ADGRV1: variants seen among roughly 807,000 people sequenced by gnomAD.
The protein encoded by ADGRV1 is adhesion G protein-coupled receptor V1.
ADGRV1 carries 359 observed loss-of-function variants against 596.2 expected under a neutral mutation model. That is an observed-to-expected ratio of 0.60 (90% CI 0.55 to 0.66). The LOEUF (loss-of-function observed/expected upper bound fraction) is 0.66, where lower values mean the gene tolerates loss of function less well. ADGRV1 is among the 30% of genes least tolerant of loss of function. The probability of loss-of-function intolerance (pLI) is 0.00; values close to 1 mark genes in which losing one functional copy is unlikely to be tolerated. For synonymous variants in ADGRV1, 2,681 were observed against 2,679.2 expected, an observed-to-expected ratio of 1.00 and a Z score of -0.02; for missense variants, 7,274 against 7,575.6, an observed-to-expected ratio of 0.96 and a Z score of 1.48.
rs1035203639 is a variant in ADGRV1 at position 90,841,220 on chromosome 5, A to G, written c.17019+235A>G. On this transcript the variant is annotated intron_variant, in intron 78 of 89. Coordinates refer to ENST00000405460, the MANE Select transcript of ADGRV1 (RefSeq NM_032119.4). ...GGCTTGGAGAATGACCTAGTGCAGT[A>G]GTAAAGACAGCCTAGTGCATGAAAA... is the stretch of plus-strand genomic sequence containing the variant. 2.6e-5 allele frequency among the ~76,000 whole-genome samples: 4 copies of G among 152,150 alleles called. No individual in the cohort carries two copies. The East Asian group carries it at 7.7e-4, about 29-fold the overall frequency.
chr5:91,106,564 A>G (rs1195483275), intron 87 of ADGRV1, among the ~76,000 whole-genome samples: 1 of 152,192 alleles, frequency 6.6e-6, no homozygotes, highest in Non-Finnish European at 1.5e-5. Context: ...TTTGGCTAGT[A>G]TGGTTCTTTT....
At chr5:90,646,206 A>G in intron 16 of ADGRV1, 115 bp downstream of exon 16, 1 of 515,250 alleles carries the variant, frequency 1.9e-6, no homozygotes, top group Non-Finnish European at 2.8e-6. Context: ...ACATTTATAT[A>G]CATATATATT....
chr5:90,848,008 C>T (rs145676256), intron 78 of ADGRV1, among the ~76,000 whole-genome samples: 26 of 152,122 alleles, frequency 1.7e-4, no homozygotes, highest in Admixed American at 5.9e-4. Context: ...GCTGCCAGCA[C>T]GCTGTCACCT....
intron 87 of ADGRV1, among the ~76,000 whole-genome samples, chr5:91,106,705 G>C (rs1311415412): frequency 1.3e-5 from 2 of 152,200 alleles, no homozygotes; most frequent in Non-Finnish European, 1.5e-5. Flanking sequence ...TTGAATGAAT[G>C]GCTGGGCACT....
intron 83 of ADGRV1, among the ~76,000 whole-genome samples, chr5:90,933,849 GC>G (rs1403975322): frequency 2.6e-5 from 4 of 152,102 alleles, no homozygotes; most frequent in African/African-American, 9.7e-5. Flanking sequence ...GCTGAATTGA[GC>G]CCTATTCTGC....
intron 18 of ADGRV1, among the ~76,000 whole-genome samples, 172 bp downstream of exon 18, chr5:90,651,902 CAA>C (rs969174878): frequency 1.9e-4 from 28 of 147,048 alleles, no homozygotes; most frequent in African/African-American, 6.9e-4. Context: ...CACTTATCTT[CAA>C]AAAAAAAAAT....
chr5:90,693,297 T>C (rs1746729776), intron 32 of ADGRV1, among the ~76,000 whole-genome samples: 1 of 152,034 alleles, frequency 6.6e-6, no homozygotes, highest in African/African-American at 2.4e-5. Context: ...CCCTTTAATA[T>C]AAAGTGGTGT....
chr5:90,986,067 C>T (rs910134174), intron 85 of ADGRV1, among the ~76,000 whole-genome samples: 1 of 137,864 alleles, frequency 7.3e-6, no homozygotes, highest in Non-Finnish European at 1.5e-5. Context: ...TTTTTATGTA[C>T]ATATGCACAT....
chr5:90,644,605 A>G lies in ADGRV1; in HGVS notation c.2735-101A>G. 3 of 848,208 alleles carry G rather than the reference A, an allele frequency of 3.5e-6. No homozygotes were observed. In the South Asian group the frequency reaches 4.9e-5, roughly 14 times the overall value. 52.5% of individuals were successfully genotyped at this position (848,208 alleles called of 1,614,324 possible). ...CAAATAGTTGGCAGTTATTAAAAAG[A>G]GGTGTTGTTTTTATTTTTGTTTATT... On this transcript the variant is annotated intron_variant, in intron 14 of 89. Transcript: ENST00000405460.
chr5:90,996,138 G>A (rs1003090361), intron 85 of ADGRV1, among the ~76,000 whole-genome samples: 4 of 151,680 alleles, frequency 2.6e-5, no homozygotes, highest in Non-Finnish European at 4.4e-5. Flanking sequence ...AAGTAAAGAG[G>A]AGCTGAGTCT....
At chr5:90,804,389 G>A (rs543855891) in intron 71 of ADGRV1, among the ~76,000 whole-genome samples, 2 of 151,736 alleles carry the variant, frequency 1.3e-5, no homozygotes, top group Admixed American at 6.6e-5. Context: ...ATGACAGAGC[G>A]ACGCTCTGTC....
chr5:90,693,759 C>A, intron 32 of ADGRV1, 131 bp from the exon 33 acceptor site: 1 of 581,886 alleles, frequency 1.7e-6, no homozygotes, highest in Non-Finnish European at 2.7e-6. Context: ...AATTAAGAAA[C>A]AGGATTGTGT....
chr5:90,629,280 A>C lies in ADGRV1; in HGVS notation c.1580A>C (p.Lys527Thr). The change falls in exon 9 of 90, where the codon AAG becomes ACG. Residue 527 changes from lysine (K) to threonine (T), a missense_variant. By Grantham distance (78) the Lys-to-Thr change is moderately conservative. Transcript: ENST00000405460. ...LITFFPMENQ[K>T]IESSPGERYL... is the part of the protein sequence containing the mutation. The stretch of plus-strand genomic sequence containing the variant: ...ACATTTTTTCCTATGGAAAACCAGA[A>C]GATTGAAAGCAGCCCAGGTGAACGA... The C allele has an allele frequency of 6.2e-7, 1 of 1,612,854 alleles. No individual in the cohort carries two copies. Among genetic ancestry groups the C allele is most frequent in the Non-Finnish European group, 8.5e-7 (1 of 1,179,488 alleles).
intron 76 of ADGRV1, among the ~76,000 whole-genome samples, chr5:90,824,566 G>C (rs1311103900): frequency 6.6e-6 from 1 of 152,262 alleles, no homozygotes; most frequent in East Asian, 1.9e-4. Context: ...TTCTTGAGTG[G>C]AGTTATCATC....
At chr5:90,918,402 G>A (rs1012549440) in intron 83 of ADGRV1, among the ~76,000 whole-genome samples, 1 of 152,134 alleles carries the variant, frequency 6.6e-6, no homozygotes, top group African/African-American at 2.4e-5. Flanking sequence ...ACATTATTAG[G>A]TTTCAATGTT....
chr5:90,681,051 A>G (rs1297487217), intron 26 of ADGRV1, among the ~76,000 whole-genome samples: 1 of 152,242 alleles, frequency 6.6e-6, no homozygotes. Flanking sequence ...CATAGAGAAG[A>G]AAAAGAAAAA....
chr5:90,813,632 C>T (rs1311525560), intron 74 of ADGRV1, among the ~76,000 whole-genome samples: 1 of 152,174 alleles, frequency 6.6e-6, no homozygotes, highest in South Asian at 2.1e-4. Context: ...ACCATAGCTA[C>T]CACTAATGTC....
intron 86 of ADGRV1, among the ~76,000 whole-genome samples, chr5:91,076,212 A>G (rs1194857828): frequency 6.6e-6 from 1 of 152,184 alleles, no homozygotes; most frequent in Non-Finnish European, 1.5e-5. Context: ...AGAAACTTTC[A>G]ATATTCTCCC....
At chr5:90,809,208 G>A (rs1243569975) in intron 73 of ADGRV1, among the ~76,000 whole-genome samples, 1 of 150,116 alleles carries the variant, frequency 6.7e-6, no homozygotes, top group Non-Finnish European at 1.5e-5. Context: ...CGCCCACCTC[G>A]GCCTCCCAAA....
Sources: gnomAD v4.1 joint callset for allele counts (sites outside exome capture counted in the v4.1 genomes callset) on GRCh38, gnomAD v4.1.1 for gene constraint, MANE v1.5 for transcripts, NCBI Gene and HGNC (gene_info 2026-07-23, HGNC 2026-07-21) for gene names.